TMEM135: variants seen among roughly 807,000 people sequenced by gnomAD.
TMEM135 encodes peroxisomal membrane protein 52.
In TMEM135, 30 loss-of-function variants were observed where a neutral mutation model predicts 60.3. The ratio of observed to expected loss-of-function variants is 0.50; its 90% CI spans 0.37 to 0.68. TMEM135 has a LOEUF of 0.68. Ranked by LOEUF, TMEM135 falls within the 30% of genes least tolerant of loss-of-function variation. The pLI is 0.00. For missense variants in TMEM135, 468 were observed against 548.8 expected (o/e 0.85, Z 1.47); for synonymous variants, 190 against 186.7 (o/e 1.02, Z -0.14).
At chr11:87,218,257 A>T (rs1480258172) in intron 5 of TMEM135, among the ~76,000 whole-genome samples, 3 of 152,194 alleles carry the variant, frequency 2.0e-5, no homozygotes, top group Non-Finnish European at 4.4e-5. Context: ...TAGGGATTTA[A>T]CTTAGAAGTG....
At chr11:87,280,964 A>G (rs1306305582) in intron 6 of TMEM135, among the ~76,000 whole-genome samples, 1 of 152,168 alleles carries the variant, frequency 6.6e-6, no homozygotes, top group Non-Finnish European at 1.5e-5. Context: ...AATTCATACT[A>G]TAATCACTGT....
intron 5 of TMEM135, among the ~76,000 whole-genome samples, chr11:87,232,323 AG>A (rs1940907390): frequency 6.6e-6 from 1 of 152,058 alleles, no homozygotes; most frequent in Non-Finnish European, 1.5e-5. Context: ...CTATTCATGT[AG>A]TTGGAGTTCT....
At chr11:87,150,307 A>G (rs1938526212) in intron 4 of TMEM135, among the ~76,000 whole-genome samples, 1 of 152,140 alleles carries the variant, frequency 6.6e-6, no homozygotes, top group Non-Finnish European at 1.5e-5. Context: ...CTTCTAACAC[A>G]TGAATTCCAC....
intron 1 of TMEM135, among the ~76,000 whole-genome samples, chr11:87,056,939 A>G (rs986709991): frequency 2.0e-5 from 3 of 152,176 alleles, no homozygotes; most frequent in Non-Finnish European, 4.4e-5. Context: ...ATTAGAGTCC[A>G]TGATATTTGT....
rs761643398 is a variant in TMEM135, at chr11:87,326,382, C to T, written c.*5049C>T. 2.1e-4 allele frequency: 97 copies of T among 454,078 alleles called. 1 individual carries two copies. The Middle Eastern group carries it at 3.5e-3, about 16-fold the overall frequency. The allele number at this position is 454,078 out of a possible 1,614,324, so 28.1% of individuals were successfully genotyped here. ...CCCTGAACTAGGACCAGTTAATTTT[C>T]GAAGTCTAGTTCTTCAGTGTCTATT... On this transcript the variant is annotated 3_prime_UTR_variant, in exon 15 of 15. Transcript: ENST00000305494.
Position 87,314,478 on chromosome 11 carries a change from G to A in TMEM135, c.1008G>A (p.Leu336=), listed in dbSNP as rs922175010. 3.1e-6 allele frequency: 5 copies of A among 1,609,470 alleles called. No individual in the cohort carries two copies. In the African/African-American group the frequency reaches 4.0e-5, roughly 13 times the overall value. The change falls in exon 12 of 15, where the codon TTG becomes TTA. Residue 336 remains leucine, a synonymous_variant. Coordinates refer to ENST00000305494, the MANE Select transcript of TMEM135 (RefSeq NM_022918.4). ...DELHAIIAGF[L]AGISMMFYKS... ...TCTTATTTCTTGTTTCAGGATTTTT[G>A]GCAGGTATATCAATGATGTTTTATA...
intron 6 of TMEM135, among the ~76,000 whole-genome samples, chr11:87,285,908 T>C (rs564029008): frequency 6.6e-6 from 1 of 152,294 alleles, no homozygotes; most frequent in East Asian, 1.9e-4. Flanking sequence ...TGCTGATTGG[T>C]GCGTTTATAA....
At chr11:87,252,423 G>C (rs955313959) in intron 6 of TMEM135, among the ~76,000 whole-genome samples, 2 of 152,150 alleles carry the variant, frequency 1.3e-5, no homozygotes, top group African/African-American at 2.4e-5. Flanking sequence ...AAAATCTAAT[G>C]CTCGTGGCTT....
intron 6 of TMEM135, among the ~76,000 whole-genome samples, chr11:87,247,547 G>T (rs1381980286): frequency 6.6e-6 from 1 of 152,150 alleles, no homozygotes; most frequent in Non-Finnish European, 1.5e-5. Context: ...ACCTAAGCAA[G>T]CCTGGGCAAT....
chr11:87,279,689 T>C (rs918440720), intron 6 of TMEM135, among the ~76,000 whole-genome samples: 3 of 152,336 alleles, frequency 2.0e-5, no homozygotes, highest in African/African-American at 7.2e-5. Context: ...GTGGACATAG[T>C]GGTAATTACA....
chr11:87,102,422 A>G (rs948855450), intron 4 of TMEM135, among the ~76,000 whole-genome samples: 1 of 152,166 alleles, frequency 6.6e-6, no homozygotes, highest in Non-Finnish European at 1.5e-5. Context: ...AAGTCTGACA[A>G]GAGCAAATGT....
chr11:87,273,673 A>G (rs1941913671), intron 6 of TMEM135, among the ~76,000 whole-genome samples: 1 of 152,184 alleles, frequency 6.6e-6, no homozygotes, highest in African/African-American at 2.4e-5. Context: ...GGAAAGAGAG[A>G]AAGGAACTGA....
At chr11:87,100,298 C>T (rs1422945994) in intron 4 of TMEM135, among the ~76,000 whole-genome samples, 3 of 152,094 alleles carry the variant, frequency 2.0e-5, no homozygotes, top group Non-Finnish European at 4.4e-5. Context: ...TAATAATTAC[C>T]TGATACACTT....
At chr11:87,222,074 C>T (rs934783732) in intron 5 of TMEM135, among the ~76,000 whole-genome samples, 13 of 146,406 alleles carry the variant, frequency 8.9e-5, no homozygotes, top group Non-Finnish European at 1.5e-4. Context: ...CCCAGCTACT[C>T]AGGAGGCTGA....
At chr11:87,228,881 A>G (rs1192466899) in intron 5 of TMEM135, among the ~76,000 whole-genome samples, 2 of 152,154 alleles carry the variant, frequency 1.3e-5, no homozygotes, top group Non-Finnish European at 2.9e-5. Context: ...GATTATTTTA[A>G]GGACTTCCTA....
chr11:87,068,692 T>C (rs1019393890), intron 2 of TMEM135, among the ~76,000 whole-genome samples: 4 of 151,348 alleles, frequency 2.6e-5, no homozygotes, highest in African/African-American at 9.7e-5. Context: ...GCGCCTGTAG[T>C]CGCAGCTACT....
At chr11:87,078,325 A>C (rs1211761809) in intron 3 of TMEM135, among the ~76,000 whole-genome samples, 1 of 152,194 alleles carries the variant, frequency 6.6e-6, no homozygotes, top group Non-Finnish European at 1.5e-5. Context: ...CAGATGACTA[A>C]TGATATTGAG....
chr11:87,321,518 A>G lies in TMEM135; in HGVS notation c.*185A>G, dbSNP rs1381858273. The G allele has an allele frequency of 1.4e-6, 1 of 722,274 alleles. No individual in the cohort carries two copies. The highest frequency in any genetic ancestry group is 2.7e-5 in the East Asian group (1 of 36,444). 44.7% of individuals were successfully genotyped at this position (722,274 alleles called of 1,614,324 possible). ...CTTTTTAGGAAGATGTTGCTTAATA[A>G]TTAAGCTTCCTCCATAGCCAGAATA... On this transcript the variant is annotated 3_prime_UTR_variant, in exon 15 of 15. Transcript: ENST00000305494.
At chr11:87,246,875 C>T (rs1314013392) in intron 6 of TMEM135, among the ~76,000 whole-genome samples, 4 of 126,650 alleles carry the variant, frequency 3.2e-5, no homozygotes, top group Admixed American at 8.0e-5. Flanking sequence ...CTCCGTCCAA[C>T]GTTGTTCCAT....
Sources: gnomAD v4.1 joint callset for allele counts (sites outside exome capture counted in the v4.1 genomes callset) on GRCh38, gnomAD v4.1.1 for gene constraint, MANE v1.5 for transcripts, NCBI Gene and HGNC (gene_info 2026-07-23, HGNC 2026-07-21) for gene names.